The following VTI1A variants were observed in gnomAD, a reference collection of about 807,000 sequenced individuals.
VTI1A encodes vesicle transport through interaction with t-SNAREs 1A, also known as vesicle transport through interaction with t-SNAREs homolog 1A.
Under a neutral mutation model 34.9 loss-of-function variants are expected in VTI1A, and 22 were observed. That is an observed-to-expected ratio of 0.63 (90% CI 0.45 to 0.90). VTI1A has a LOEUF of 0.90. VTI1A is among the 40% of genes least tolerant of loss of function. VTI1A has a pLI of 0.00. For missense variants in VTI1A, 268 were observed against 275.6 expected, an observed-to-expected ratio of 0.97 and a Z score of 0.20; for synonymous variants, 87 against 97.3, an observed-to-expected ratio of 0.89 and a Z score of 0.62.
Position 112,688,039 on chromosome 10 carries a change from T to C in VTI1A, c.560+19041T>C, listed in dbSNP as rs1168989358. 3.3e-5 allele frequency among the ~76,000 whole-genome samples: 5 copies of C among 149,966 alleles called. No individual in the cohort carries two copies. In the East Asian group the frequency reaches 1.0e-3, roughly 30 times the overall value. On this transcript the variant is annotated intron_variant, in intron 7 of 7. Coordinates refer to ENST00000393077, the MANE Select transcript of VTI1A (RefSeq NM_145206.4). ...CGCGATCTCAGCTTACTGCAACCTC[T>C]GCCTCTCAGGTTCAAGCGATTCTCC...
intron 5 of VTI1A, among the ~76,000 whole-genome samples, chr10:112,629,131 A>C (rs1846034985): frequency 6.6e-6 from 1 of 152,236 alleles, no homozygotes; most frequent in Non-Finnish European, 1.5e-5. Context: ...CTGGGGTAAC[A>C]GGTGATGTTA....
chr10:112,846,166 C>A, the VTI1A span, among the ~76,000 whole-genome samples: 6 of 152,180 alleles, frequency 3.9e-5, no homozygotes, highest in African/African-American at 1.2e-4. Context: ...TCCTGTTCAC[C>A]ATTTATTTTG....
At position 112,577,539 on chromosome 10, in the gene VTI1A, A is replaced by G. The variant is rs182494732; in HGVS notation, c.427+39209A>G. ...GATAACATTTGGAATGGGGCCTTGA[A>G]GATTGGGAGCAGTTACAAAGAAAGC... is the stretch of plus-strand genomic sequence containing the variant. On this transcript the variant is annotated intron_variant, in intron 5 of 7. Coordinates refer to ENST00000393077, the MANE Select transcript of VTI1A (RefSeq NM_145206.4). 2.8e-4 allele frequency among the ~76,000 whole-genome samples: 43 copies of G among 152,344 alleles called. 1 individual carries two copies. The Middle Eastern group carries it at 0.01, about 36-fold the overall frequency.
At chr10:112,576,397 G>A (rs1013508200) in intron 5 of VTI1A, among the ~76,000 whole-genome samples, 1 of 152,120 alleles carries the variant, frequency 6.6e-6, no homozygotes, top group East Asian at 1.9e-4. Flanking sequence ...TCATTAGATC[G>A]TTTCTAAGTA....
intron 5 of VTI1A, among the ~76,000 whole-genome samples, chr10:112,583,437 T>G (rs1006965961): frequency 1.3e-5 from 2 of 152,252 alleles, no homozygotes; most frequent in African/African-American, 4.8e-5. Flanking sequence ...TAAGCGCCTT[T>G]GTTTGTGGCT....
At chr10:112,684,937 AT>A (rs1475009837) in intron 7 of VTI1A, among the ~76,000 whole-genome samples, 1 of 152,194 alleles carries the variant, frequency 6.6e-6, no homozygotes, top group Non-Finnish European at 1.5e-5. Context: ...TGGCCGTAAT[AT>A]TTTTAGATCC....
intron 5 of VTI1A, among the ~76,000 whole-genome samples, chr10:112,553,164 A>G (rs2134304058): frequency 6.6e-6 from 1 of 152,374 alleles, no homozygotes; most frequent in South Asian, 2.1e-4. Flanking sequence ...TAAAATGCAC[A>G]GAAATTATTT....
intron 5 of VTI1A, among the ~76,000 whole-genome samples, chr10:112,611,619 GT>G (rs1845312319): frequency 6.6e-6 from 1 of 151,720 alleles, no homozygotes; most frequent in Admixed American, 6.6e-5. Flanking sequence ...CTAAATTGAT[GT>G]TTTTCGCATA....
intron 5 of VTI1A, among the ~76,000 whole-genome samples, chr10:112,666,872 A>T (rs1304108704): frequency 6.6e-6 from 1 of 152,108 alleles, no homozygotes; most frequent in Admixed American, 6.6e-5. Flanking sequence ...ATTGTAACTG[A>T]ATTACCTTAT....
intron 3 of VTI1A, among the ~76,000 whole-genome samples, chr10:112,469,844 T>G (rs565667937): frequency 1.3e-5 from 2 of 152,200 alleles, no homozygotes; most frequent in Non-Finnish European, 2.9e-5. Context: ...GAGCTCCTTC[T>G]CTTTGTGGCT....
At chr10:112,614,784 A>T (rs890439797) in intron 5 of VTI1A, among the ~76,000 whole-genome samples, 2 of 152,220 alleles carry the variant, frequency 1.3e-5, no homozygotes, top group Non-Finnish European at 2.9e-5. Context: ...ACTGGTCACA[A>T]GGCACAGTTA....
intron 7 of VTI1A, among the ~76,000 whole-genome samples, chr10:112,707,047 A>G (rs1849224218): frequency 6.6e-6 from 1 of 152,176 alleles, no homozygotes; most frequent in Non-Finnish European, 1.5e-5. Context: ...TATTACTTTC[A>G]TATTTATTAT....
chr10:112,589,355 C>G (rs1049912239), intron 5 of VTI1A, among the ~76,000 whole-genome samples: 5 of 152,132 alleles, frequency 3.3e-5, no homozygotes, highest in African/African-American at 1.2e-4. Context: ...AAACCCGTTT[C>G]ACTTGGCTCT....
chr10:112,615,137 C>T (rs1157239770), intron 5 of VTI1A, among the ~76,000 whole-genome samples: 2 of 152,080 alleles, frequency 1.3e-5, no homozygotes, highest in African/African-American at 4.8e-5. Context: ...TCCAATAAGA[C>T]TGTGGCAGTC....
chr10:112,673,327 A>G (rs1245042426), intron 7 of VTI1A, among the ~76,000 whole-genome samples: 4 of 151,936 alleles, frequency 2.6e-5, no homozygotes, highest in Non-Finnish European at 2.9e-5. Flanking sequence ...AAAAAAAAAA[A>G]AAAAGAAAAA....
intron 7 of VTI1A, among the ~76,000 whole-genome samples, chr10:112,790,218 G>A (rs1306336330): frequency 6.6e-5 from 10 of 152,262 alleles, no homozygotes; most frequent in Admixed American, 1.3e-4. Flanking sequence ...GGCAGAGATT[G>A]TATTCAAAAA....
At chr10:112,643,529 A>G (rs1184207354) in intron 5 of VTI1A, among the ~76,000 whole-genome samples, 2 of 152,180 alleles carry the variant, frequency 1.3e-5, no homozygotes, top group African/African-American at 2.4e-5. Flanking sequence ...CATAGGCCAG[A>G]AACCTTTCTC....
chr10:112,836,791 T>C, the VTI1A span, among the ~76,000 whole-genome samples: 4 of 152,280 alleles, frequency 2.6e-5, no homozygotes, highest in East Asian at 5.8e-4. Context: ...GGCCCATCTG[T>C]GAACTCTATG....
At chr10:112,518,380 A>C (rs549451532) in intron 3 of VTI1A, among the ~76,000 whole-genome samples, 10 of 151,890 alleles carry the variant, frequency 6.6e-5, no homozygotes, top group Non-Finnish European at 1.2e-4. Flanking sequence ...GGAAGCATAA[A>C]GAGAGGATGG....
Sources: allele counts gnomAD v4.1 joint callset (sites outside exome capture counted in the v4.1 genomes callset), GRCh38; gene constraint gnomAD v4.1.1; transcripts MANE v1.5; gene names NCBI Gene and HGNC (gene_info 2026-07-23, HGNC 2026-07-21).